The following ASB14 variants were observed in gnomAD, a reference collection of about 807,000 sequenced individuals.
ASB14 encodes ankyrin repeat and SOCS box containing 14.
Under a neutral mutation model 55.6 loss-of-function variants are expected in ASB14, and 63 were observed. The observed-to-expected ratio is 1.13, with a 90% CI of 0.92 to 1.40. The LOEUF is 1.40. Among genes scored for constraint, ASB14 ranks in the 40% most tolerant of loss-of-function variants. ASB14 has a pLI of 0.00. For synonymous variants in ASB14, 256 were observed against 259.9 expected (o/e 0.98, Z 0.15); for missense variants, 724 against 710.4 (o/e 1.02, Z -0.22).
intron 5 of ASB14, among the ~76,000 whole-genome samples, chr3:57,287,404 A>G (rs2061088992): frequency 1.3e-5 from 2 of 152,008 alleles, no homozygotes; most frequent in African/African-American, 4.8e-5. Context: ...GGCAGTCTCA[A>G]TTATGTTTGC....
In ASB14 at chr3:57,277,100, T is replaced by C. The variant is rs555001232; in HGVS notation, c.1586-372A>G. Among the ~76,000 whole-genome samples, 19 of 152,212 alleles carry C rather than the reference T, an allele frequency of 1.2e-4. No homozygotes were observed. The South Asian group carries it at 3.9e-3, about 32-fold the overall frequency. ...GGCCAACATGGTGAAACCCCGTCTC[T>C]ATTAAAAATACAAAAATTAGCTGGG... On this transcript the variant is annotated intron_variant, in intron 9 of 10. Transcript: ENST00000487349.
At chr3:57,270,362 G>A (rs1007738599) in intron 10 of ASB14, 1 of 152,564 alleles carries the variant, frequency 6.6e-6, no homozygotes, top group African/African-American at 2.4e-5. Context: ...TAGAGCCCTT[G>A]GCATTTTATT....
Position 57,280,461 on chromosome 3 carries a change from T to A in ASB14, c.728A>T (p.His243Leu). The A allele has an allele frequency of 6.4e-7, 1 of 1,550,858 alleles. No homozygotes were observed. Among genetic ancestry groups the A allele is most frequent in the South Asian group, 1.2e-5 (1 of 83,988 alleles). ...EMLLRKGANA[H>L]GQASDSSSIL... The stretch of plus-strand genomic sequence containing the variant: ...GGAAGAAGAATCAGAGGCCTGACCA[T>A]GAGCATTAGCTCCTAAGAGGAGAAA... The change falls in exon 7 of 11, where the codon CAT becomes CTT. Residue 243 changes from histidine (H) to leucine (L), a missense_variant. Coordinates refer to ENST00000487349, the MANE Select transcript of ASB14 (RefSeq NM_001142733.3).
chr3:57,279,748 G>A (rs754181308), intron 7 of ASB14, among the ~76,000 whole-genome samples: 2 of 151,996 alleles, frequency 1.3e-5, no homozygotes, highest in Non-Finnish European at 2.9e-5. Context: ...TTGGAAGGCC[G>A]GGAGGTTTTG....
intron 10 of ASB14, 97 bp downstream of exon 10, chr3:57,276,431 G>A: frequency 2.3e-6 from 2 of 864,940 alleles, no homozygotes; most frequent in South Asian, 4.2e-5. Context: ...ACTTTTTAAA[G>A]GACTTAGACT....
chr3:57,268,457 A>G lies in ASB14; in HGVS notation c.*1184T>C, dbSNP rs1302649656. 3.7e-6 allele frequency: 6 copies of G among 1,605,264 alleles called. No individual in the cohort carries two copies. The highest frequency in any genetic ancestry group is 2.2e-5 in the East Asian group (1 of 44,650). ...AGAGAGTAAAAGAGAAGCAACAGAA[A>G]GAACTCAATAAACAAAAACAGATTG... On this transcript the variant is annotated 3_prime_UTR_variant, in exon 11 of 11. Transcript: ENST00000487349.
intron 7 of ASB14, 100 bp from the exon 8 acceptor site, chr3:57,279,020 C>T: frequency 8.7e-7 from 1 of 1,149,694 alleles, no homozygotes; most frequent in African/African-American, 1.6e-5. Flanking sequence ...TATCAGTATT[C>T]AGGGGGCATT....
rs2061014072 is a variant in ASB14, at chr3:57,278,935, C to T, written c.888-15G>A. ...TCTTTAGAGCTCTGAGAAAGAATTT[C>T]AAAATGCATTTCAACATTGTTTTTA... On this transcript the variant is annotated splice_polypyrimidine_tract_variant and intron_variant, in intron 7 of 10. Transcript: ENST00000487349. The T allele has an allele frequency of 1.2e-6, 2 of 1,603,414 alleles. No individual in the cohort carries two copies. The highest frequency in any genetic ancestry group is 1.7e-6 in the Non-Finnish European group (2 of 1,172,690).
intron 10 of ASB14, 90 bp from the exon 11 acceptor site, chr3:57,269,708 T>A: frequency 6.2e-7 from 1 of 1,612,022 alleles, no homozygotes. Context: ...TTGGTAGATA[T>A]TCCCCCTTGG....
intron 10 of ASB14, among the ~76,000 whole-genome samples, chr3:57,274,643 C>T (rs556132546): frequency 9.6e-4 from 146 of 152,170 alleles, no homozygotes; most frequent in African/African-American, 3.4e-3. Flanking sequence ...GCTGAGATTG[C>T]ACCACCACAC....
At chr3:57,269,692 A>G in intron 10 of ASB14, 74 bp from the exon 11 acceptor site, 1 of 1,613,646 alleles carries the variant, frequency 6.2e-7, no homozygotes, top group Non-Finnish European at 8.5e-7. Context: ...GCATAAGCTT[A>G]TACTTTTGGT....
At chr3:57,287,791 G>T in intron 5 of ASB14, 110 bp downstream of exon 5, 2 of 1,225,606 alleles carry the variant, frequency 1.6e-6, no homozygotes, top group African/African-American at 1.5e-5. Flanking sequence ...TGGTCAGTTG[G>T]GAACAGAGTG....
chr3:57,277,638 A>AAACC (rs2061000429), intron 9 of ASB14, 129 bp downstream of exon 9: 3 of 790,710 alleles, frequency 3.8e-6, no homozygotes, highest in Non-Finnish European at 5.9e-6. Context: ...TTTTAAAGAT[A>AAACC]GGAATAGTAT....
At chr3:57,279,466 C>T (rs772098500) in intron 7 of ASB14, among the ~76,000 whole-genome samples, 7 of 151,442 alleles carry the variant, frequency 4.6e-5, no homozygotes, top group Middle Eastern at 3.4e-3. Flanking sequence ...TTTGGGAGGC[C>T]GAGGAGGGCG....
chr3:57,280,561 A>C, intron 6 of ASB14, 88 bp from the exon 7 acceptor site: 1 of 1,233,698 alleles, frequency 8.1e-7, no homozygotes, highest in Non-Finnish European at 1.1e-6. Context: ...CATCACCAAA[A>C]AGCAATTAGT....
rs1017270237 is a variant in ASB14, at chr3:57,268,970, T to G, written c.*671A>C. 6.5e-6 allele frequency: 1 copy of G among 152,922 alleles called. No homozygotes were observed. The highest frequency in any genetic ancestry group is 6.5e-5 in the Admixed American group (1 of 15,306). The allele number at this position is 152,922 out of a possible 1,614,324, so 9.5% of individuals were successfully genotyped here. A position where few individuals can be genotyped will look rare whatever the true frequency, so the allele number is the denominator to read the frequency against. On this transcript the variant is annotated 3_prime_UTR_variant, in exon 11 of 11. Transcript: ENST00000487349. ...AGAATGCATTAAATGATCCATGAAA[T>G]TGTAAGAGCGTGTTATGGGTTGTAG... is the stretch of plus-strand genomic sequence containing the variant.
chr3:57,283,223 G>T lies in ASB14; in HGVS notation c.686C>A (p.Thr229Asn), dbSNP rs1046794491. ...PLALAAQSGH[T>N]EIMEMLLRKG... ...CCGCAGTAACATTTCCATGATTTCA[G>T]TGTGTCCACTTTGGGCAGCAAGAGC... Residue 229 changes from threonine (T) to asparagine (N), a missense_variant, in exon 6 of 11, where the codon ACT (threonine) becomes AAT (asparagine). Transcript: ENST00000487349. The T allele has an allele frequency of 3.9e-6, 6 of 1,551,992 alleles. No homozygotes were observed. In the African/African-American group the frequency reaches 6.8e-5, roughly 18 times the overall value.
intron 10 of ASB14, 189 bp from the exon 11 acceptor site, chr3:57,269,807 G>T (rs2087589680): frequency 8.7e-7 from 1 of 1,147,554 alleles, no homozygotes; most frequent in Non-Finnish European, 1.2e-6. Context: ...TTGCTTATTT[G>T]TTGTAGCTAC....
Position 57,278,477 on chromosome 3 carries a change from C to T in ASB14, c.1331G>A (p.Gly444Glu), listed in dbSNP as rs750762252. The part of the protein sequence containing the change: ...EVMLRMLLNY[G>E]YDTERCFDCP... ...ATCAAAACATCGCTCTGTGTCATAC[C>T]CATAGTTCAGCAGCATCCTGAGCAT... The change falls in exon 8 of 11, where the codon GGG (glycine) becomes GAG (glutamate). Residue 444 changes from glycine to glutamate, a missense_variant. Coordinates refer to ENST00000487349, the MANE Select transcript of ASB14 (RefSeq NM_001142733.3). The T allele has an allele frequency of 2.5e-6, 4 of 1,614,022 alleles. No homozygotes were observed. The African/African-American group carries it at 5.3e-5, about 22-fold the overall frequency.
Sources: gnomAD v4.1 joint callset for allele counts (sites outside exome capture counted in the v4.1 genomes callset) on GRCh38, gnomAD v4.1.1 for gene constraint, MANE v1.5 for transcripts, NCBI Gene and HGNC (gene_info 2026-07-23, HGNC 2026-07-21) for gene names.